PCDH7: variants seen among roughly 807,000 people sequenced by gnomAD.
PCDH7 encodes the protein protocadherin 7, also known as protocadherin-7.
Under a neutral mutation model 58.9 loss-of-function variants are expected in PCDH7, and 17 were observed. That is an observed-to-expected ratio of 0.29 (90% confidence interval 0.20 to 0.43). The LOEUF is 0.43. PCDH7 is among the 20% of genes least tolerant of loss of function. The probability of loss-of-function intolerance (pLI) is 1.00; values close to 1 mark genes in which losing one functional copy is unlikely to be tolerated. For missense variants in PCDH7, 1,274 were observed against 1,441.0 expected (o/e 0.88, Z 1.88); for synonymous variants, 664 against 616.4 (o/e 1.08, Z -1.14).
At chr4:30,731,311 G>A (rs1715455661) in exon 2 of PCDH7, 1 of 209,682 alleles carries the variant, frequency 4.8e-6, no homozygotes, top group Non-Finnish European at 8.2e-6. Flanking sequence ...ATTTTTAAAT[G>A]CTGTTTTGTG....
In PCDH7 at chr4:30,798,632, TA is replaced by T; in HGVS notation, c.70+74039del. Among the ~76,000 whole-genome samples, 2 of 152,210 alleles carry T rather than the reference TA, an allele frequency of 1.3e-5. 1 individual carries two copies. Among genetic ancestry groups the T allele is most frequent in the East Asian group, 3.9e-4 (2 of 5,190 alleles). On this transcript the variant is annotated intron_variant, in intron 1 of 3. Transcript: ENST00000509759. Reference sequence around the variant, plus strand: ...GTGATGATATGGAATAACTTTAATATAAATTTTTAAAAATTACTTTGTTGAA... The same window carrying T: ...GTGATGATATGGAATAACTTTAATATAATTTTTAAAAATTACTTTGTTGAA...
chr4:30,798,674 G>T (rs1462874449), intron 1 of PCDH7, among the ~76,000 whole-genome samples: 1 of 152,130 alleles, frequency 6.6e-6, no homozygotes, highest in Non-Finnish European at 1.5e-5. Context: ...ACAGTAAAAA[G>T]AGACTTTCCT....
At chr4:30,951,296 C>G (rs930691646) in intron 3 of PCDH7, among the ~76,000 whole-genome samples, 1 of 152,080 alleles carries the variant, frequency 6.6e-6, no homozygotes, top group African/African-American at 2.4e-5. Context: ...CATTTTTCTA[C>G]TGTATTTGAA....
chr4:30,826,996 T>C (rs1317236985), intron 1 of PCDH7, among the ~76,000 whole-genome samples: 4 of 152,146 alleles, frequency 2.6e-5, no homozygotes, highest in Non-Finnish European at 5.9e-5. Flanking sequence ...ATTTTTCTCT[T>C]ATGTTTCCTG....
chr4:30,741,478 G>A (rs187318696), intron 1 of PCDH7, among the ~76,000 whole-genome samples: 215 of 152,242 alleles, frequency 1.4e-3, no homozygotes, highest in African/African-American at 4.8e-3. Flanking sequence ...ACAGGCGTGA[G>A]CCACTTCACC....
At chr4:30,963,367 G>A (rs1185884492) in intron 3 of PCDH7, among the ~76,000 whole-genome samples, 1 of 151,990 alleles carries the variant, frequency 6.6e-6, no homozygotes, top group East Asian at 1.9e-4. Context: ...CTCACTGTTG[G>A]AGAGCCCTAA....
chr4:31,111,103 A>G (rs1468029031), intron 3 of PCDH7, among the ~76,000 whole-genome samples: 1 of 152,086 alleles, frequency 6.6e-6, no homozygotes, highest in African/African-American at 2.4e-5. Context: ...GGGTATTAGT[A>G]TATTTGTGAA....
intron 3 of PCDH7, among the ~76,000 whole-genome samples, chr4:31,119,405 A>G (rs1432070570): frequency 6.6e-6 from 1 of 152,114 alleles, no homozygotes; most frequent in African/African-American, 2.4e-5. Context: ...GAAAATCTAT[A>G]TAAAGTTTTT....
At chr4:30,758,153 G>A (rs1198287716) in intron 1 of PCDH7, among the ~76,000 whole-genome samples, 2 of 152,164 alleles carry the variant, frequency 1.3e-5, no homozygotes, top group Non-Finnish European at 1.5e-5. Context: ...TGATAAGAAG[G>A]TGATGTTTGA....
intron 3 of PCDH7, among the ~76,000 whole-genome samples, chr4:30,951,522 C>T (rs1747368136): frequency 6.6e-6 from 1 of 152,268 alleles, no homozygotes; most frequent in East Asian, 1.9e-4. Context: ...AGGGTGCAAT[C>T]TTTCATGTCC....
downstream of PCDH7, among the ~76,000 whole-genome samples, chr4:30,736,154 A>G (rs1445434641): frequency 1.3e-5 from 2 of 152,208 alleles, no homozygotes; most frequent in Non-Finnish European, 2.9e-5. Flanking sequence ...CCCTAACTTA[A>G]CTGGAGGAAG....
At chr4:30,974,367 C>T (rs1749880605) in intron 3 of PCDH7, among the ~76,000 whole-genome samples, 1 of 151,742 alleles carries the variant, frequency 6.6e-6, no homozygotes, top group Non-Finnish European at 1.5e-5. Context: ...AATACTTCCC[C>T]ACTAACCATG....
At chr4:30,743,414 G>A (rs746359965) in intron 1 of PCDH7, among the ~76,000 whole-genome samples, 10 of 149,974 alleles carry the variant, frequency 6.7e-5, no homozygotes, top group African/African-American at 2.5e-4. Flanking sequence ...TTGCTCAGGG[G>A]TTCAAAAAAT....
downstream of PCDH7, chr4:31,145,368 A>G (rs1166039174): frequency 6.6e-6 from 1 of 152,116 alleles, no homozygotes; most frequent in Non-Finnish European, 1.5e-5. Flanking sequence ...ATGAGCTGGC[A>G]TGACACAGAA....
intron 3 of PCDH7, among the ~76,000 whole-genome samples, chr4:31,078,083 C>T (rs1438957817): frequency 1.3e-5 from 2 of 152,106 alleles, no homozygotes; most frequent in Non-Finnish European, 1.5e-5. Context: ...TGTGATCTAA[C>T]AGTGAGAATC....
At chr4:31,126,237 C>T (rs75715433) in intron 3 of PCDH7, among the ~76,000 whole-genome samples, 1 of 151,406 alleles carries the variant, frequency 6.6e-6, no homozygotes, top group Non-Finnish European at 1.5e-5. Context: ...GATTCTCATG[C>T]CCCTGCTGCC....
chr4:30,999,308 T>C (rs750665985), intron 3 of PCDH7, among the ~76,000 whole-genome samples: 13 of 152,138 alleles, frequency 8.5e-5, no homozygotes, highest in South Asian at 2.1e-4. Flanking sequence ...ATAATAAGTG[T>C]GTGAAAACAT....
chr4:30,805,860 A>C (rs908736444), intron 1 of PCDH7, among the ~76,000 whole-genome samples: 1 of 152,202 alleles, frequency 6.6e-6, no homozygotes, highest in African/African-American at 2.4e-5. Flanking sequence ...CTTACAATAC[A>C]TTCTCCATGG....
intron 1 of PCDH7, among the ~76,000 whole-genome samples, chr4:30,756,473 A>G (rs2109264024): frequency 6.6e-6 from 1 of 152,308 alleles, no homozygotes. Context: ...GTAAACGGTA[A>G]TAATGGAACT....
Sources: gnomAD v4.1 joint callset for allele counts (sites outside exome capture counted in the v4.1 genomes callset) on GRCh38, gnomAD v4.1.1 for gene constraint, MANE v1.5 for transcripts, NCBI Gene and HGNC (gene_info 2026-07-23, HGNC 2026-07-21) for gene names.